Variants in CFAP299 observed in about 807,000 individuals in gnomAD.
CFAP299 encodes the protein cilia- and flagella-associated protein 299.
In CFAP299, 21 loss-of-function variants were observed where a neutral mutation model predicts 27.0. The ratio of observed to expected loss-of-function variants is 0.78; its 90% CI spans 0.55 to 1.12. The LOEUF is 1.12. Ranked by LOEUF, CFAP299 falls within the 50% of genes most tolerant of loss-of-function variation. The probability of loss-of-function intolerance (pLI) is 0.00; values close to 1 mark genes in which losing one functional copy is unlikely to be tolerated. For missense variants in CFAP299, 310 were observed against 276.6 expected (o/e 1.12, Z -0.86); for synonymous variants, 104 against 98.1 (o/e 1.06, Z -0.36).
At chr4:80,756,845 A>T (rs1725265006) in intron 3 of CFAP299, among the ~76,000 whole-genome samples, 1 of 152,194 alleles carries the variant, frequency 6.6e-6, no homozygotes, top group South Asian at 2.1e-4. Flanking sequence ...GAAATATTTT[A>T]AAGATAAAAT....
chr4:80,782,843 A>G (rs1048796622), intron 3 of CFAP299, among the ~76,000 whole-genome samples: 4 of 151,104 alleles, frequency 2.6e-5, no homozygotes, highest in African/African-American at 9.7e-5. Flanking sequence ...GTAGATATCT[A>G]CATATATCAG....
At chr4:80,643,630 A>G (rs948309360) in intron 3 of CFAP299, among the ~76,000 whole-genome samples, 1 of 152,158 alleles carries the variant, frequency 6.6e-6, no homozygotes, top group African/African-American at 2.4e-5. Context: ...CTTGGATATG[A>G]AGACGGGTGA....
At chr4:80,422,182 C>T (rs1477275678) in intron 2 of CFAP299, among the ~76,000 whole-genome samples, 1 of 152,142 alleles carries the variant, frequency 6.6e-6, no homozygotes. Context: ...TCCACTAAGT[C>T]TCTACTTACA....
intron 4 of CFAP299, among the ~76,000 whole-genome samples, chr4:80,895,904 T>G (rs1734589123): frequency 6.6e-6 from 1 of 151,944 alleles, no homozygotes; most frequent in Non-Finnish European, 1.5e-5. Flanking sequence ...AGGAAGAAGG[T>G]TTTTTCCCGC....
At chr4:80,426,912 T>A (rs1727557499) in intron 2 of CFAP299, among the ~76,000 whole-genome samples, 1 of 152,224 alleles carries the variant, frequency 6.6e-6, no homozygotes, top group Admixed American at 6.5e-5. Context: ...ACGATTTTTT[T>A]CTAAATAGTT....
At chr4:80,856,343 T>A (rs1242567768) in intron 3 of CFAP299, among the ~76,000 whole-genome samples, 1 of 149,266 alleles carries the variant, frequency 6.7e-6, no homozygotes, top group Non-Finnish European at 1.5e-5. Context: ...TTTTCTCCCA[T>A]TTTGTGGGTT....
intron 5 of CFAP299, among the ~76,000 whole-genome samples, chr4:80,959,410 A>G (rs1469404930): frequency 1.3e-5 from 2 of 152,108 alleles, no homozygotes; most frequent in Non-Finnish European, 1.5e-5. Context: ...AAACACTGCT[A>G]CAACTCTGAT....
intron 2 of CFAP299, among the ~76,000 whole-genome samples, chr4:80,369,974 G>C (rs1249093703): frequency 6.6e-6 from 1 of 152,156 alleles, no homozygotes; most frequent in African/African-American, 2.4e-5. Context: ...CTGCTGTAAA[G>C]AAATATCTGA....
intron 2 of CFAP299, among the ~76,000 whole-genome samples, chr4:80,370,386 AAC>A (rs1724077347): frequency 6.6e-6 from 1 of 152,130 alleles, no homozygotes; most frequent in Admixed American, 6.5e-5. Flanking sequence ...CACATTGCAA[AAC>A]ACAATCATGC....
chr4:80,392,239 T>C (rs1299919120), intron 2 of CFAP299, among the ~76,000 whole-genome samples: 1 of 152,170 alleles, frequency 6.6e-6, no homozygotes, highest in Non-Finnish European at 1.5e-5. Flanking sequence ...ACTTGCCTTG[T>C]CTCAGATAAG....
intron 3 of CFAP299, among the ~76,000 whole-genome samples, chr4:80,716,049 T>A (rs1722461424): frequency 6.6e-6 from 1 of 152,000 alleles, no homozygotes; most frequent in South Asian, 2.1e-4. Flanking sequence ...TAGGATAATG[T>A]TGATAGAATT....
At chr4:80,583,980 A>G (rs555439299) in intron 3 of CFAP299, among the ~76,000 whole-genome samples, 5 of 152,102 alleles carry the variant, frequency 3.3e-5, no homozygotes, top group Admixed American at 2.0e-4. Flanking sequence ...TTTTCCCACT[A>G]TCAGGTCCAC....
chr4:80,803,005 G>C (rs1048859097), intron 3 of CFAP299, among the ~76,000 whole-genome samples: 2 of 152,024 alleles, frequency 1.3e-5, no homozygotes, highest in African/African-American at 4.8e-5. Flanking sequence ...TCATGCAATA[G>C]AATAAATAGG....
chr4:80,745,532 T>A (rs1158144413), intron 3 of CFAP299, among the ~76,000 whole-genome samples: 3 of 152,132 alleles, frequency 2.0e-5, no homozygotes, highest in East Asian at 3.8e-4. Flanking sequence ...GTAGTTTTTT[T>A]ATATTTAAAT....
intron 3 of CFAP299, among the ~76,000 whole-genome samples, chr4:80,850,651 G>A (rs777988911): frequency 3.3e-5 from 5 of 152,000 alleles, no homozygotes; most frequent in South Asian, 4.1e-4. Context: ...TGAGCAATTC[G>A]CAATAGTAAA....
chr4:80,717,690 G>C (rs746654855), intron 3 of CFAP299, among the ~76,000 whole-genome samples: 1 of 152,070 alleles, frequency 6.6e-6, no homozygotes, highest in Non-Finnish European at 1.5e-5. Flanking sequence ...TATGTGTCAA[G>C]AATGTTTTAC....
intron 3 of CFAP299, among the ~76,000 whole-genome samples, chr4:80,795,278 T>C (rs113076416): frequency 0.011 from 1,621 of 152,298 alleles, 29 homozygotes; most frequent in African/African-American, 0.036. Flanking sequence ...AGCCAAACCA[T>C]TGGCCACAGC....
chr4:80,950,587 C>G (rs72866909), intron 5 of CFAP299, among the ~76,000 whole-genome samples: 2,928 of 152,154 alleles, frequency 0.019, 105 homozygotes, highest in African/African-American at 0.067. Context: ...GGAAGAAAAA[C>G]CATGCACAAA....
Position 80,362,853 on chromosome 4 carries a change from A to C in CFAP299, c.211A>C (p.Ile71Leu). The C allele has an allele frequency of 6.2e-7, 1 of 1,611,486 alleles. No individual in the cohort carries two copies. The highest frequency in any genetic ancestry group is 8.5e-7 in the Non-Finnish European group (1 of 1,179,342). The change falls in exon 2 of 6, where the codon ATT (isoleucine) becomes CTT (leucine). Residue 71 changes from isoleucine (I) to leucine (L), a missense_variant. Transcript: ENST00000358105. ...DFEARKAAIE[I>L]ARLAERAQQK... is the part of the protein sequence containing the mutation. ...TGAAGCAAGGAAAGCGGCTATAGAGATTGCAAGACTGGCTGAAAGAGCTCA... is the reference window on the plus strand; with the variant it reads ...TGAAGCAAGGAAAGCGGCTATAGAGCTTGCAAGACTGGCTGAAAGAGCTCA...
Sources: allele counts gnomAD v4.1 joint callset (sites outside exome capture counted in the v4.1 genomes callset), GRCh38; gene constraint gnomAD v4.1.1; transcripts MANE v1.5; gene names NCBI Gene and HGNC (gene_info 2026-07-23, HGNC 2026-07-21).